The following TECRL variants were observed in gnomAD, a reference collection of about 807,000 sequenced individuals.
The protein encoded by TECRL is trans-2,3-enoyl-CoA reductase like.
Under a neutral mutation model 52.8 loss-of-function variants are expected in TECRL, and 63 were observed. The observed-to-expected ratio is 1.19, with a 90% confidence interval of 0.97 to 1.47. The LOEUF is 1.47. Among genes scored for constraint, TECRL ranks in the 40% most tolerant of loss-of-function variants. The pLI is 0.00. For synonymous variants in TECRL, 164 were observed against 141.9 expected, an observed-to-expected ratio of 1.16 and a Z score of -1.10; for missense variants, 482 against 429.6, an observed-to-expected ratio of 1.12 and a Z score of -1.08.
At chr4:64,304,501 C>T (rs1724211567) in intron 7 of TECRL, among the ~76,000 whole-genome samples, 1 of 151,910 alleles carries the variant, frequency 6.6e-6, no homozygotes, top group Non-Finnish European at 1.5e-5. Context: ...CCAGAAATAG[C>T]CCACAAAAAT....
chr4:64,374,027 T>C (rs1194099873), intron 2 of TECRL, among the ~76,000 whole-genome samples: 1 of 82,502 alleles, frequency 1.2e-5, no homozygotes, highest in Non-Finnish European at 2.5e-5. Context: ...AGTAGATACA[T>C]ATATATATAT....
chr4:64,308,666 T>A (rs1291363338), intron 6 of TECRL, among the ~76,000 whole-genome samples: 1 of 152,212 alleles, frequency 6.6e-6, no homozygotes, highest in Non-Finnish European at 1.5e-5. Flanking sequence ...CTAGTGGCCA[T>A]GTGTCTTAAT....
At chr4:64,310,650 A>T (rs1446777073) in intron 5 of TECRL, among the ~76,000 whole-genome samples, 1 of 152,204 alleles carries the variant, frequency 6.6e-6, no homozygotes, top group Non-Finnish European at 1.5e-5. Flanking sequence ...ATTTTGTTAC[A>T]TATAAAAATG....
intron 2 of TECRL, among the ~76,000 whole-genome samples, chr4:64,342,070 G>A (rs1182618574): frequency 2.0e-5 from 3 of 152,158 alleles, no homozygotes; most frequent in Non-Finnish European, 4.4e-5. Flanking sequence ...GGAAAACTCA[G>A]GCAAAGGCAT....
intron 2 of TECRL, among the ~76,000 whole-genome samples, chr4:64,341,854 C>T (rs1348931966): frequency 6.6e-6 from 1 of 152,170 alleles, no homozygotes. Context: ...AGAGCTAACA[C>T]CCATGCTGGC....
intron 5 of TECRL, among the ~76,000 whole-genome samples, chr4:64,312,662 G>T (rs1390652902): frequency 6.6e-6 from 1 of 151,736 alleles, no homozygotes; most frequent in East Asian, 1.9e-4. Context: ...GCTACTTAGG[G>T]GGCTGAGGTG....
chr4:64,294,530 A>G (rs1723574122), intron 8 of TECRL, among the ~76,000 whole-genome samples: 1 of 152,122 alleles, frequency 6.6e-6, no homozygotes, highest in South Asian at 2.1e-4. Flanking sequence ...ACGAAGAAAC[A>G]TGTTGTAATA....
chr4:64,396,319 C>G (rs1723949467), intron 1 of TECRL, among the ~76,000 whole-genome samples: 1 of 152,132 alleles, frequency 6.6e-6, no homozygotes, highest in African/African-American at 2.4e-5. Flanking sequence ...TCTCTAGAAC[C>G]TTGCCAGCAT....
intron 2 of TECRL, among the ~76,000 whole-genome samples, chr4:64,329,228 C>G (rs1718463665): frequency 6.6e-6 from 1 of 151,906 alleles, no homozygotes; most frequent in Non-Finnish European, 1.5e-5. Flanking sequence ...AAATTCTATA[C>G]TATCGTTTTA....
At chr4:64,355,032 A>T (rs1472650253) in intron 2 of TECRL, among the ~76,000 whole-genome samples, 1 of 152,182 alleles carries the variant, frequency 6.6e-6, no homozygotes, top group Non-Finnish European at 1.5e-5. Context: ...TAGTTATGAG[A>T]TTAGCATACT....
chr4:64,292,452 A>C (rs2109954465), intron 8 of TECRL, among the ~76,000 whole-genome samples: 1 of 152,122 alleles, frequency 6.6e-6, no homozygotes, highest in South Asian at 2.1e-4. Flanking sequence ...AACACATAGT[A>C]ACGTAATAAA....
At chr4:64,367,864 G>A (rs955124798) in intron 2 of TECRL, among the ~76,000 whole-genome samples, 3 of 151,954 alleles carry the variant, frequency 2.0e-5, no homozygotes, top group South Asian at 2.1e-4. Context: ...TCAATTCCAC[G>A]GAAGATGCTG....
At chr4:64,298,915 A>T (rs1405712518) in intron 8 of TECRL, 1 of 151,250 alleles carries the variant, frequency 6.6e-6, no homozygotes, top group Non-Finnish European at 1.5e-5. Context: ...TGTATACAAC[A>T]TTAAATAACG....
At chr4:64,343,842 C>G (rs560104467) in intron 2 of TECRL, among the ~76,000 whole-genome samples, 2 of 151,392 alleles carry the variant, frequency 1.3e-5, no homozygotes, top group Admixed American at 6.6e-5. Flanking sequence ...TTTAGAGCCA[C>G]GGAGAGAAAA....
intron 4 of TECRL, among the ~76,000 whole-genome samples, chr4:64,319,701 G>A (rs1189841446): frequency 1.3e-5 from 2 of 151,792 alleles, no homozygotes; most frequent in Non-Finnish European, 3.0e-5. Flanking sequence ...CCACCCAAAT[G>A]TAATTCAAAG....
chr4:64,321,846 T>C (rs961184948), intron 4 of TECRL, among the ~76,000 whole-genome samples: 3 of 152,184 alleles, frequency 2.0e-5, no homozygotes, highest in Non-Finnish European at 4.4e-5. Context: ...TCATGGTCAG[T>C]TGCCAAAAGT....
intron 2 of TECRL, among the ~76,000 whole-genome samples, chr4:64,374,052 C>CATATATATATATATATAGTAGATACAT (rs1722181132): frequency 9.4e-6 from 1 of 106,014 alleles, no homozygotes; most frequent in Non-Finnish European, 1.8e-5. Context: ...ATAGTAGATA[C>CATATATATATATATATAGTAGATACAT]ATATATATAT....
At chr4:64,382,878 T>C (rs1475335924) in intron 1 of TECRL, among the ~76,000 whole-genome samples, 1 of 152,092 alleles carries the variant, frequency 6.6e-6, no homozygotes, top group Non-Finnish European at 1.5e-5. Context: ...GCTCCACCCA[T>C]GAGTTTTATA....
chr4:64,347,000 G>A (rs1308082638), intron 2 of TECRL, among the ~76,000 whole-genome samples: 1 of 152,134 alleles, frequency 6.6e-6, no homozygotes, highest in Non-Finnish European at 1.5e-5. Context: ...TTTCTACCCA[G>A]AATTGTGTTA....
Sources: gnomAD v4.1 joint callset for allele counts (sites outside exome capture counted in the v4.1 genomes callset) on GRCh38, gnomAD v4.1.1 for gene constraint, MANE v1.5 for transcripts, NCBI Gene and HGNC (gene_info 2026-07-23, HGNC 2026-07-21) for gene names.